The following TWIST1 variants were observed in gnomAD, a reference collection of about 807,000 sequenced individuals.
The protein encoded by TWIST1 is twist family bHLH transcription factor 1.
In TWIST1, 8 loss-of-function variants were observed where a neutral mutation model predicts 12.9. That is an observed-to-expected ratio of 0.62 (90% CI 0.37 to 1.12). The LOEUF is 1.12. Among genes scored for constraint, TWIST1 ranks in the 50% most tolerant of loss-of-function variants. The pLI, the probability that TWIST1 is intolerant of heterozygous loss-of-function variation, is 0.02. For missense variants in TWIST1, 268 were observed against 299.7 expected, an observed-to-expected ratio of 0.89 and a Z score of 0.78; for synonymous variants, 169 against 138.7, an observed-to-expected ratio of 1.22 and a Z score of -1.54.
rs1344454850 is a variant in TWIST1 at position 19,117,042 on chromosome 7, TGCTGCCGCCGCCGCCGCCCGC to T, written c.259_279del (p.Ala87_Ser93del). On this transcript the variant is annotated inframe_deletion, in exon 1 of 2. Transcript: ENST00000242261. ...GACTGCGGACTCCCGCCGCCGCTGC[TGCTGCCGCCGCCGCCGCCCGC>T]GCCGCCGCCGCCGCCACAGCCCGCA... The T allele has an allele frequency of 1.4e-6, 2 of 1,453,886 alleles. No individual in the cohort carries two copies. Among genetic ancestry groups the T allele is most frequent in the African/African-American group, 1.5e-5 (1 of 67,174 alleles). 90.1% of individuals were successfully genotyped at this position (1,453,886 alleles called of 1,614,324 possible). A position where few individuals can be genotyped will look rare whatever the true frequency, so the allele number is the denominator to read the frequency against.
chr7:19,113,148 C>T (rs780212994), downstream of TWIST1: 1 of 152,114 alleles, frequency 6.6e-6, no homozygotes, highest in Non-Finnish European at 1.5e-5. Context: ...CTTCTGTGAA[C>T]AAAAGGGGAA....
Position 19,115,643 on chromosome 7 carries a change from T to G in TWIST1, c.*531A>C, listed in dbSNP as rs2115395247. 1 of 152,212 alleles carries G rather than the reference T, an allele frequency of 6.6e-6. No individual in the cohort carries two copies. The highest frequency in any genetic ancestry group is 2.4e-5 in the African/African-American group (1 of 41,504). 9.4% of individuals were successfully genotyped at this position (152,212 alleles called of 1,614,324 possible). A position where few individuals can be genotyped will look rare whatever the true frequency, so the allele number is the denominator to read the frequency against. ...TTTAAGTTTTTTTTTGTTTTTCCCC[T>G]CAGAGGAAGGATGAAAAAAAGAATT... On this transcript the variant is annotated 3_prime_UTR_variant, in exon 2 of 2. Coordinates refer to ENST00000242261, the MANE Select transcript of TWIST1 (RefSeq NM_000474.4).
rs544465774 is a variant in TWIST1 at position 19,117,045 on chromosome 7, TGCCGCCGCCGCCGCCCGC to T, written c.259_276del (p.Ala87_Gly92del). The T allele has an allele frequency of 2.3e-3, 3,268 of 1,443,532 alleles. 126 individuals are homozygous for T. The highest frequency in any genetic ancestry group is 0.018 in the East Asian group (620 of 35,268). 89.4% of individuals were successfully genotyped at this position (1,443,532 alleles called of 1,614,324 possible). ...TGCGGACTCCCGCCGCCGCTGCTGC[TGCCGCCGCCGCCGCCCGC>T]GCCGCCGCCGCCGCCACAGCCCGCA... On this transcript the variant is annotated inframe_deletion, in exon 1 of 2. Transcript: ENST00000242261.
Position 19,116,722 on chromosome 7 carries a change from C to G in TWIST1, c.600G>C (p.Ala200=), listed in dbSNP as rs925739879. Reference sequence around the variant, plus strand: ...TGGGGGGCTCCGCCTGCTAGTGGGACGCGGACATGGACCAGGCCCCCTCCA... The same window carrying G: ...TGGGGGGCTCCGCCTGCTAGTGGGAGGCGGACATGGACCAGGCCCCCTCCA... ...WRMEGAWSMS[A]SH Residue 200 remains alanine (A), a synonymous_variant, in exon 1 of 2, where the codon GCG becomes GCC. Coordinates refer to ENST00000242261, the MANE Select transcript of TWIST1 (RefSeq NM_000474.4). 9.3e-6 allele frequency: 15 copies of G among 1,607,684 alleles called. No individual in the cohort carries two copies. The highest frequency in any genetic ancestry group is 1.2e-5 in the Non-Finnish European group (14 of 1,177,442).
downstream of TWIST1, among the ~76,000 whole-genome samples, chr7:19,114,636 A>G (rs769388462): frequency 1.3e-5 from 2 of 152,170 alleles, no homozygotes; most frequent in Non-Finnish European, 2.9e-5. Flanking sequence ...GTGTGTGTGT[A>G]TGTATGATCT....
rs892211746 is a variant in TWIST1 at position 19,117,430 on chromosome 7, C to T, written c.-109G>A. 36 of 1,211,364 alleles carry T rather than the reference C, an allele frequency of 3.0e-5. No homozygotes were observed. Among genetic ancestry groups the T allele is most frequent in the African/African-American group, 9.7e-5 (6 of 61,914 alleles). 75.0% of individuals were successfully genotyped at this position (1,211,364 alleles called of 1,614,324 possible). A position where few individuals can be genotyped will look rare whatever the true frequency, so the allele number is the denominator to read the frequency against. ...GCGGCGCCGGCCCGGGCGATGCGGC[C>T]CGCGGAGGAGAGAGCAGGAGGACGG... On this transcript the variant is annotated 5_prime_UTR_variant, in exon 1 of 2. Transcript: ENST00000242261.
rs941985232 is a variant in TWIST1, at chr7:19,116,052, G to A, written c.*122C>T. Reference sequence around the variant, plus strand: ...TCTTCTAATTTCCAAGAAAATCTTTGGCATATATTTTTATTTTTAGTTATC... The same window carrying A: ...TCTTCTAATTTCCAAGAAAATCTTTAGCATATATTTTTATTTTTAGTTATC... On this transcript the variant is annotated 3_prime_UTR_variant, in exon 2 of 2. Transcript: ENST00000242261. The A allele has an allele frequency of 6.6e-6, 1 of 151,692 alleles. No individual in the cohort carries two copies. Among genetic ancestry groups the A allele is most frequent in the African/African-American group, 2.4e-5 (1 of 41,102 alleles). 9.4% of individuals were successfully genotyped at this position (151,692 alleles called of 1,614,324 possible).
rs1032946146 is a variant in TWIST1, at chr7:19,117,145, G to A, written c.177C>T (p.Gly59=). ...GAGPGGAAGG[G]VGGGDEPGSP... ...TGCCCGGCTCGTCGCCGCCTCCGAC[G>A]CCCCCACCCGCGGCTCCGCCGGGCC... is the stretch of plus-strand genomic sequence containing the variant. Residue 59 remains glycine, a synonymous_variant, in exon 1 of 2, where the codon GGC becomes GGT. Transcript: ENST00000242261. The A allele has an allele frequency of 6.5e-6, 7 of 1,083,002 alleles. No individual in the cohort carries two copies. The highest frequency in any genetic ancestry group is 6.0e-5 in the East Asian group (1 of 16,694). The allele number at this position is 1,083,002 out of a possible 1,614,324, so 67.1% of individuals were successfully genotyped here. A position where few individuals can be genotyped will look rare whatever the true frequency, so the allele number is the denominator to read the frequency against.
At chr7:19,113,379 A>T (rs1298279642), downstream of TWIST1, 1 of 152,250 alleles carries the variant, frequency 6.6e-6, no homozygotes, top group Non-Finnish European at 1.5e-5. Context: ...TTAGCTTCTT[A>T]TTTCCGAAAA....
Position 19,115,971 on chromosome 7 carries a change from C to G in TWIST1, c.*203G>C, listed in dbSNP as rs1202152363. 6.6e-6 allele frequency: 1 copy of G among 151,970 alleles called. No homozygotes were observed. The highest frequency in any genetic ancestry group is 1.5e-5 in the Non-Finnish European group (1 of 68,000). The allele number at this position is 151,970 out of a possible 1,614,324, so 9.4% of individuals were successfully genotyped here. ...GGAATCACTGTCCACGGGCCTGTCT[C>G]GCTTTCTCTTTTAAAAGTGCGCCCC... is the stretch of plus-strand genomic sequence containing the variant. On this transcript the variant is annotated 3_prime_UTR_variant, in exon 2 of 2. Transcript: ENST00000242261.
downstream of TWIST1, chr7:19,113,681 G>A (rs1325796221): frequency 6.6e-6 from 1 of 151,956 alleles, no homozygotes; most frequent in East Asian, 1.9e-4. Flanking sequence ...AATCTGGGGG[G>A]AAACATTACC....
downstream of TWIST1, chr7:19,113,655 CATTT>C (rs1372712812): frequency 2.0e-5 from 3 of 152,066 alleles, no homozygotes; most frequent in Admixed American, 1.3e-4. Context: ...CTTTTTCATT[CATTT>C]ATTTCTCTGA....
intron 1 of TWIST1, 72 bp downstream of exon 1, chr7:19,116,599 T>C (rs1257526072): frequency 3.0e-5 from 37 of 1,233,550 alleles, no homozygotes; most frequent in Non-Finnish European, 4.2e-5. Flanking sequence ...CGAGGTGGAC[T>C]GGGAACCGCG....
chr7:19,117,039 T>TGCTGCTGCCGCCGCCGCC lies in TWIST1; in HGVS notation c.265_282dup (p.Gly89_Ser94dup), dbSNP rs759696143. On this transcript the variant is annotated inframe_insertion, in exon 1 of 2. Coordinates refer to ENST00000242261, the MANE Select transcript of TWIST1 (RefSeq NM_000474.4). ...TAAGACTGCGGACTCCCGCCGCCGC[T>TGCTGCTGCCGCCGCCGCC]GCTGCTGCCGCCGCCGCCGCCCGCG... 14 of 1,463,192 alleles carry TGCTGCTGCCGCCGCCGCC rather than the reference T, an allele frequency of 9.6e-6. No homozygotes were observed. The highest frequency in any genetic ancestry group is 1.3e-5 in the Non-Finnish European group (14 of 1,119,552). The allele number at this position is 1,463,192 out of a possible 1,614,324, so 90.6% of individuals were successfully genotyped here.
In TWIST1 at chr7:19,117,609, T is replaced by C. The variant is rs1043467049; in HGVS notation, c.-288A>G. 1 of 1,076,206 alleles carries C rather than the reference T, an allele frequency of 9.3e-7. No homozygotes were observed. The highest frequency in any genetic ancestry group is 1.1e-6 in the Non-Finnish European group (1 of 879,050). 66.7% of individuals were successfully genotyped at this position (1,076,206 alleles called of 1,614,324 possible). ...GGCCTCCTGGAAACGGTGCCGGTGC[T>C]GCAGAGCCCGCGAGGTGTCTGGGAG... On this transcript the variant is annotated 5_prime_UTR_variant, in exon 1 of 2. Coordinates refer to ENST00000242261, the MANE Select transcript of TWIST1 (RefSeq NM_000474.4).
At chr7:19,115,035 A>G (rs556321753), downstream of TWIST1, among the ~76,000 whole-genome samples, 8 of 152,310 alleles carry the variant, frequency 5.3e-5, no homozygotes, top group South Asian at 1.2e-3. Context: ...GATAATTTTC[A>G]TAACACTATA....
chr7:19,116,038 C>T lies in TWIST1; in HGVS notation c.*136G>A, dbSNP rs1426122843. On this transcript the variant is annotated 3_prime_UTR_variant, in exon 2 of 2. Transcript: ENST00000242261. ...AATTTGGATTTTGCTCTTCTAATTT[C>T]CAAGAAAATCTTTGGCATATATTTT... 6.6e-6 allele frequency: 1 copy of T among 152,344 alleles called. No homozygotes were observed. The highest frequency in any genetic ancestry group is 2.4e-5 in the African/African-American group (1 of 41,322). The allele number at this position is 152,344 out of a possible 1,614,324, so 9.4% of individuals were successfully genotyped here.
downstream of TWIST1, among the ~76,000 whole-genome samples, chr7:19,114,934 A>C (rs1474275037): frequency 6.6e-6 from 1 of 152,240 alleles, no homozygotes; most frequent in Non-Finnish European, 1.5e-5. Context: ...TCATGAGAGA[A>C]GAGTTAAGCA....
downstream of TWIST1, chr7:19,113,375 T>G (rs1788508243): frequency 6.6e-6 from 1 of 152,212 alleles, no homozygotes; most frequent in Non-Finnish European, 1.5e-5. Context: ...AGCCTTAGCT[T>G]CTTATTTCCG....
Sources: gnomAD v4.1 joint callset for allele counts (sites outside exome capture counted in the v4.1 genomes callset) on GRCh38, gnomAD v4.1.1 for gene constraint, MANE v1.5 for transcripts, NCBI Gene and HGNC (gene_info 2026-07-23, HGNC 2026-07-21) for gene names.